SYNJ2BP: variants seen among roughly 807,000 people sequenced by gnomAD.
SYNJ2BP encodes synaptojanin-2-binding protein.
In SYNJ2BP, 10 loss-of-function variants were observed where a neutral mutation model predicts 16.9. The ratio of observed to expected loss-of-function variants is 0.59; its 90% CI spans 0.36 to 1.00. The LOEUF is 1.00. SYNJ2BP is among the 50% of genes least tolerant of loss of function. The pLI, the probability that SYNJ2BP is intolerant of heterozygous loss-of-function variation, is 0.01. For missense variants in SYNJ2BP, 162 were observed against 186.7 expected (o/e 0.87, Z 0.77); for synonymous variants, 54 against 68.4 (o/e 0.79, Z 1.04).
In SYNJ2BP at chr14:70,416,570, A is replaced by G. The variant is rs534593619; in HGVS notation, c.64+330T>C. ...TCATAGGGGGAGGGATAGAACAGGC[A>G]ACGGAAAGAAGGATGTGGTATCCAC... On this transcript the variant is annotated intron_variant, in intron 1 of 3. Coordinates refer to ENST00000256366, the MANE Select transcript of SYNJ2BP (RefSeq NM_018373.3). Among the ~76,000 whole-genome samples, 41 of 152,168 alleles carry G rather than the reference A, an allele frequency of 2.7e-4. No individual in the cohort carries two copies. In the South Asian group the frequency reaches 3.9e-3, roughly 15 times the overall value.
At chr14:70,399,664 T>TC (rs941816646) in intron 1 of SYNJ2BP, among the ~76,000 whole-genome samples, 2 of 151,388 alleles carry the variant, frequency 1.3e-5, no homozygotes, top group African/African-American at 4.9e-5. Flanking sequence ...TGCCATGAAT[T>TC]CCCCCTCTGA....
chr14:70,385,711 G>A (rs1887846201), intron 2 of SYNJ2BP, among the ~76,000 whole-genome samples: 7 of 152,090 alleles, frequency 4.6e-5, no homozygotes, highest in Admixed American at 4.6e-4. Context: ...AACCATACAT[G>A]CAATCTACTA....
At chr14:70,403,256 CTG>C (rs1888277762) in intron 1 of SYNJ2BP, among the ~76,000 whole-genome samples, 2 of 152,186 alleles carry the variant, frequency 1.3e-5, no homozygotes, top group African/African-American at 4.8e-5. Context: ...GTTTCTGTCA[CTG>C]TGTCTGTATG....
intron 1 of SYNJ2BP, among the ~76,000 whole-genome samples, chr14:70,416,083 C>A (rs1322267379): frequency 1.3e-5 from 2 of 152,054 alleles, no homozygotes; most frequent in African/African-American, 4.8e-5. Flanking sequence ...AGCTAAAGAG[C>A]TCTTAATTGA....
At chr14:70,381,706 G>A (rs949699442) in intron 2 of SYNJ2BP, among the ~76,000 whole-genome samples, 1 of 152,138 alleles carries the variant, frequency 6.6e-6, no homozygotes, top group African/African-American at 2.4e-5. Flanking sequence ...AAATGCAAAC[G>A]TTTAGGCCTC....
intron 2 of SYNJ2BP, among the ~76,000 whole-genome samples, chr14:70,380,028 A>G (rs1255405243): frequency 1.3e-5 from 2 of 152,194 alleles, no homozygotes; most frequent in African/African-American, 4.8e-5. Context: ...GAACATAACC[A>G]TGTCTGGAGC....
At chr14:70,392,103 G>A (rs1887992323) in intron 1 of SYNJ2BP, among the ~76,000 whole-genome samples, 1 of 152,180 alleles carries the variant, frequency 6.6e-6, no homozygotes, top group Non-Finnish European at 1.5e-5. Flanking sequence ...ATCATCTGAG[G>A]AAGACATAAA....
intron 1 of SYNJ2BP, among the ~76,000 whole-genome samples, chr14:70,391,108 G>A (rs922101001): frequency 6.6e-6 from 1 of 152,122 alleles, no homozygotes; most frequent in African/African-American, 2.4e-5. Flanking sequence ...CAGGGTGACA[G>A]AGTGAGACCC....
intron 1 of SYNJ2BP, among the ~76,000 whole-genome samples, chr14:70,415,773 T>A (rs1402424620): frequency 6.6e-6 from 1 of 152,152 alleles, no homozygotes; most frequent in East Asian, 1.9e-4. Context: ...GAGTACTTGA[T>A]GATTTATTAG....
chr14:70,411,331 T>C (rs1306610981), intron 1 of SYNJ2BP, among the ~76,000 whole-genome samples: 1 of 152,214 alleles, frequency 6.6e-6, no homozygotes, highest in Non-Finnish European at 1.5e-5. Context: ...GTAAATGATG[T>C]ATAATATAGA....
rs532483907 is a variant in SYNJ2BP, at chr14:70,385,965, T to C, written c.201+2505A>G. 2.0e-5 allele frequency among the ~76,000 whole-genome samples: 3 copies of C among 152,342 alleles called. No individual in the cohort carries two copies. The South Asian group carries it at 6.2e-4, about 32-fold the overall frequency. ...CAAAATAAATTTCAAGTTCTTAGCA[T>C]GTTACCTGACATTTAGTGCTCAAAT... is the stretch of plus-strand genomic sequence containing the variant. On this transcript the variant is annotated intron_variant, in intron 2 of 3. Transcript: ENST00000256366.
chr14:70,370,105 T>C lies in SYNJ2BP; in HGVS notation c.*2886A>G, dbSNP rs1887485646. Reference sequence around the variant, plus strand: ...TCTGAGAAAACCTAAGTTATAAGAGTACATCAGAATCTCTATTATCAACCA... The same window carrying C: ...TCTGAGAAAACCTAAGTTATAAGAGCACATCAGAATCTCTATTATCAACCA... On this transcript the variant is annotated 3_prime_UTR_variant, in exon 4 of 4. Transcript: ENST00000256366. The C allele has an allele frequency of 6.6e-6, 1 of 152,188 alleles. No individual in the cohort carries two copies. The highest frequency in any genetic ancestry group is 6.5e-5 in the Admixed American group (1 of 15,270). 9.4% of individuals were successfully genotyped at this position (152,188 alleles called of 1,614,324 possible).
At chr14:70,415,376 T>A (rs747393862) in intron 1 of SYNJ2BP, among the ~76,000 whole-genome samples, 14 of 151,190 alleles carry the variant, frequency 9.3e-5, no homozygotes, top group Non-Finnish European at 1.9e-4. Flanking sequence ...TAGTGAAACA[T>A]CGTCTCTACC....
chr14:70,410,257 A>C (rs1888442572), intron 1 of SYNJ2BP, among the ~76,000 whole-genome samples: 1 of 152,050 alleles, frequency 6.6e-6, no homozygotes, highest in Admixed American at 6.6e-5. Flanking sequence ...TCTATGAAAA[A>C]TATGGCTAAT....
intron 1 of SYNJ2BP, among the ~76,000 whole-genome samples, chr14:70,412,630 T>C (rs916780452): frequency 2.0e-5 from 3 of 150,224 alleles, no homozygotes; most frequent in African/African-American, 7.3e-5. Flanking sequence ...GTATATATAG[T>C]AACTAGCACA....
intron 1 of SYNJ2BP, among the ~76,000 whole-genome samples, chr14:70,414,683 C>T (rs1234601955): frequency 6.6e-6 from 1 of 152,110 alleles, no homozygotes; most frequent in East Asian, 1.9e-4. Context: ...AATCAAATCT[C>T]AAACATCTCA....
At chr14:70,399,185 C>T (rs1888176369) in intron 1 of SYNJ2BP, among the ~76,000 whole-genome samples, 1 of 152,210 alleles carries the variant, frequency 6.6e-6, no homozygotes, top group African/African-American at 2.4e-5. Flanking sequence ...CCCAGCTCTG[C>T]ACCCCTGGCC....
In SYNJ2BP at chr14:70,369,860, C is replaced by T. The variant is rs1887480200; in HGVS notation, c.*3131G>A. On this transcript the variant is annotated 3_prime_UTR_variant, in exon 4 of 4. Transcript: ENST00000256366. ...TTAAGTACTTAAAAATACCTTCGTT[C>T]AATTTTCAAAACTTTGAACGTAATA... 1 of 152,126 alleles carries T rather than the reference C, an allele frequency of 6.6e-6. No homozygotes were observed. Among genetic ancestry groups the T allele is most frequent in the Non-Finnish European group, 1.5e-5 (1 of 68,010 alleles). 9.4% of individuals were successfully genotyped at this position (152,126 alleles called of 1,614,324 possible).
chr14:70,412,502 ATATATACAGTATATATACAGTATATATG>A (rs1888496153), intron 1 of SYNJ2BP, among the ~76,000 whole-genome samples: 1 of 101,356 alleles, frequency 9.9e-6, no homozygotes, highest in Non-Finnish European at 2.5e-5. Context: ...TATGTATAGT[ATATATACAGTATATATACAGTATATATG>A]TATGTATAGT....
Sources: allele counts gnomAD v4.1 joint callset (sites outside exome capture counted in the v4.1 genomes callset), GRCh38; gene constraint gnomAD v4.1.1; transcripts MANE v1.5; gene names NCBI Gene and HGNC (gene_info 2026-07-23, HGNC 2026-07-21).